TOX2: variants seen among roughly 807,000 people sequenced by gnomAD.
TOX2 encodes the protein TOX high mobility group box family member 2, also known as granulosa cell HMG box 1.
Under a neutral mutation model 47.4 loss-of-function variants are expected in TOX2, and 15 were observed. The ratio of observed to expected loss-of-function variants is 0.32; its 90% CI spans 0.21 to 0.49. The LOEUF is 0.49. TOX2 is among the 20% of genes least tolerant of loss of function. The probability of loss-of-function intolerance (pLI) is 0.99; values close to 1 mark genes in which losing one functional copy is unlikely to be tolerated. For synonymous variants in TOX2, 290 were observed against 296.6 expected, an observed-to-expected ratio of 0.98 and a Z score of 0.23; for missense variants, 622 against 673.1, an observed-to-expected ratio of 0.92 and a Z score of 0.84.
In TOX2 at chr20:44,068,954, G is replaced by A. The variant is rs1041769669; in HGVS notation, c.*268G>A. ...CAGGGTAACTGTGGACCCTGTCCTC[G>A]CCCTGCGCACGGTACCCTATGTCTG... On this transcript the variant is annotated 3_prime_UTR_variant, in exon 9 of 9. Coordinates refer to ENST00000341197, the MANE Select transcript of TOX2 (RefSeq NM_001098797.2). 2.2e-5 allele frequency: 14 copies of A among 623,772 alleles called. No homozygotes were observed. The highest frequency in any genetic ancestry group is 3.3e-5 in the Non-Finnish European group (11 of 331,360). The allele number at this position is 623,772 out of a possible 1,614,324, so 38.6% of individuals were successfully genotyped here.
intron 2 of TOX2, among the ~76,000 whole-genome samples, chr20:43,998,022 C>A (rs1278160572): frequency 6.6e-6 from 1 of 152,150 alleles, no homozygotes; most frequent in African/African-American, 2.4e-5. Flanking sequence ...TTAATTGATT[C>A]ACAGTTCTGC....
intron 2 of TOX2, 131 bp downstream of exon 2, chr20:43,973,563 C>A: frequency 1.4e-6 from 1 of 724,560 alleles, no homozygotes; most frequent in South Asian, 1.7e-5. Context: ...TCTGAATGAT[C>A]AAGAATAGCA....
intron 2 of TOX2, among the ~76,000 whole-genome samples, chr20:43,973,881 T>C (rs916275082): frequency 1.3e-5 from 2 of 150,998 alleles, no homozygotes; most frequent in Non-Finnish European, 3.0e-5. Context: ...CAGGGGAGGG[T>C]TGTGGACAGG....
At chr20:44,046,747 CAT>C (rs2071414165) in intron 3 of TOX2, among the ~76,000 whole-genome samples, 2 of 152,292 alleles carry the variant, frequency 1.3e-5, no homozygotes, top group Non-Finnish European at 1.5e-5. Context: ...ATTGAATAGA[CAT>C]ATGGAGAAAT....
Position 43,945,990 on chromosome 20 carries a change from CCTT to C in TOX2, c.100-27374_100-27372del, listed in dbSNP as rs767472476. Reference sequence around the variant, plus strand: ...GCTTCTGTGGAATGAGACTCGGGCTCCTTCTACTTGCAAGACACTGGTGCATTG... The same window carrying C: ...GCTTCTGTGGAATGAGACTCGGGCTCCTACTTGCAAGACACTGGTGCATTG... On this transcript the variant is annotated intron_variant, in intron 1 of 8. Transcript: ENST00000341197. The C allele has an allele frequency of 1.1e-5, 17 of 1,614,022 alleles. No homozygotes were observed. The African/African-American group carries it at 1.5e-4, about 14-fold the overall frequency.
chr20:43,954,093 G>T (rs980247694), intron 1 of TOX2, among the ~76,000 whole-genome samples: 13 of 152,194 alleles, frequency 8.5e-5, no homozygotes, highest in Admixed American at 3.3e-4. Flanking sequence ...CATCTGGGAT[G>T]AAATCCAAGT....
chr20:43,996,632 C>T (rs1401673774), intron 2 of TOX2, among the ~76,000 whole-genome samples: 1 of 151,926 alleles, frequency 6.6e-6, no homozygotes, highest in Non-Finnish European at 1.5e-5. Flanking sequence ...GCATATCATC[C>T]GAGGGCTTTT....
At chr20:43,988,170 G>A (rs1380940503) in intron 2 of TOX2, among the ~76,000 whole-genome samples, 2 of 151,898 alleles carry the variant, frequency 1.3e-5, no homozygotes, top group African/African-American at 4.8e-5. Flanking sequence ...TGCCCGCCTC[G>A]GCCTCCCAAA....
At chr20:44,014,069 GCAGTGAGCCAAGAT>G (rs1464684081) in intron 3 of TOX2, among the ~76,000 whole-genome samples, 1 of 137,624 alleles carries the variant, frequency 7.3e-6, no homozygotes, top group Non-Finnish European at 1.5e-5. Flanking sequence ...AGCCAAGGTT[GCAGTGAGCCAAGAT>G]CATGCCACTT....
intron 3 of TOX2, among the ~76,000 whole-genome samples, chr20:44,036,572 T>C (rs2071244666): frequency 6.6e-6 from 1 of 152,236 alleles, no homozygotes; most frequent in African/African-American, 2.4e-5. Context: ...ATTTCTACCA[T>C]CGCTTCTACT....
intron 5 of TOX2, among the ~76,000 whole-genome samples, chr20:44,063,723 G>C (rs553433268): frequency 1.1e-4 from 16 of 151,622 alleles, no homozygotes; most frequent in Admixed American, 3.3e-4. Context: ...AATGAGTAAA[G>C]AAAATGTGCT....
At chr20:43,917,728 A>G (rs1020332454) in intron 1 of TOX2, among the ~76,000 whole-genome samples, 1 of 152,224 alleles carries the variant, frequency 6.6e-6, no homozygotes, top group Non-Finnish European at 1.5e-5. Flanking sequence ...TTTGTTTGAG[A>G]AAATGCACAC....
intron 3 of TOX2, among the ~76,000 whole-genome samples, chr20:44,045,428 A>G (rs965387814): frequency 2.0e-5 from 3 of 152,212 alleles, no homozygotes; most frequent in Admixed American, 2.0e-4. Context: ...AATGCCCCGC[A>G]GTTCATTGAA....
At chr20:44,038,890 G>A (rs1252202008) in intron 3 of TOX2, 8 of 1,116,878 alleles carry the variant, frequency 7.2e-6, no homozygotes, top group East Asian at 6.1e-5. Flanking sequence ...GCAGCCCTGC[G>A]AAGCTATTAA....
At chr20:43,944,531 G>T (rs1039718857) in intron 1 of TOX2, among the ~76,000 whole-genome samples, 2 of 148,404 alleles carry the variant, frequency 1.3e-5, no homozygotes, top group African/African-American at 5.3e-5. Context: ...CCTTTCTGGA[G>T]CCTTTTGTAA....
rs1226926390 is a variant in TOX2 at position 44,065,793 on chromosome 20, G to T, written c.1042G>T (p.Ala348Ser). The T allele has an allele frequency of 6.2e-7, 1 of 1,613,514 alleles. No homozygotes were observed. Among genetic ancestry groups the T allele is most frequent in the Non-Finnish European group, 8.5e-7 (1 of 1,179,566 alleles). ...KMLPPKQPMY[A>S]MPGLASFLTP... ...GCTCCCACCCAAGCAGCCCATGTAT[G>T]CCATGCCAGGCCTGGCCTCCTTCCT... Residue 348 changes from alanine (A) to serine (S), a missense_variant, in exon 7 of 9, where the codon GCC becomes TCC. Ala to Ser is a moderately conservative substitution (Grantham distance 99). This residue lies in a region of TOX2 where 294 missense variants were observed against 300.0 expected (regional missense o/e 0.98). Coordinates refer to ENST00000341197, the MANE Select transcript of TOX2 (RefSeq NM_001098797.2).
chr20:43,937,786 T>C (rs1007263621), intron 1 of TOX2, among the ~76,000 whole-genome samples: 1 of 152,164 alleles, frequency 6.6e-6, no homozygotes, highest in Non-Finnish European at 1.5e-5. Context: ...TAAGCAGCCT[T>C]TGATGTCCCT....
chr20:43,973,348 C>T lies in TOX2; in HGVS notation c.100-19C>T. ...GAGCATTTTAATCAGAGCTGCTTCTCCCTCTCTCTCTATTCTAGTTTGATG... is the reference window on the plus strand; with the variant it reads ...GAGCATTTTAATCAGAGCTGCTTCTTCCTCTCTCTCTATTCTAGTTTGATG... On this transcript the variant is annotated intron_variant, in intron 1 of 8. Coordinates refer to ENST00000341197, the MANE Select transcript of TOX2 (RefSeq NM_001098797.2). The T allele has an allele frequency of 6.2e-7, 1 of 1,613,578 alleles. No individual in the cohort carries two copies. The highest frequency in any genetic ancestry group is 2.2e-5 in the East Asian group (1 of 44,876).
At chr20:43,947,699 A>G (rs1483879875) in intron 1 of TOX2, among the ~76,000 whole-genome samples, 1 of 152,154 alleles carries the variant, frequency 6.6e-6, no homozygotes, top group Non-Finnish European at 1.5e-5. Flanking sequence ...GGCCATTTTG[A>G]AAGAGAACCA....
Sources: gnomAD v4.1 joint callset for allele counts (sites outside exome capture counted in the v4.1 genomes callset) on GRCh38, gnomAD v4.1.1 for gene constraint, gnomAD v4.1.1 regional missense constraint, MANE v1.5 for transcripts, NCBI Gene and HGNC (gene_info 2026-07-23, HGNC 2026-07-21) for gene names.